SLC24A2: variants seen among roughly 807,000 people sequenced by gnomAD.
SLC24A2 encodes the protein sodium/potassium/calcium exchanger 2.
A neutral mutation model predicts 62.0 loss-of-function variants in SLC24A2; 36 were observed. The ratio of observed to expected loss-of-function variants is 0.58; its 90% CI spans 0.44 to 0.77. The LOEUF is 0.77. SLC24A2 is among the 30% of genes least tolerant of loss of function. The pLI, the probability that SLC24A2 is intolerant of heterozygous loss-of-function variation, is 0.00. For synonymous variants in SLC24A2, 358 were observed against 294.0 expected, an observed-to-expected ratio of 1.22 and a Z score of -2.23; for missense variants, 846 against 817.9, an observed-to-expected ratio of 1.03 and a Z score of -0.42.
At chr9:19,516,867 T>C (rs969757670) in intron 10 of SLC24A2, among the ~76,000 whole-genome samples, 1 of 152,062 alleles carries the variant, frequency 6.6e-6, no homozygotes, top group Non-Finnish European at 1.5e-5. Context: ...AGCAATGACT[T>C]AATAGTCTAA....
At chr9:19,995,365 G>T in the SLC24A2 span, among the ~76,000 whole-genome samples, 2 of 152,086 alleles carry the variant, frequency 1.3e-5, no homozygotes, top group East Asian at 1.9e-4. Flanking sequence ...AGAGAGCGTG[G>T]AGGTTATGTG....
chr9:20,206,967 C>T, the SLC24A2 span, among the ~76,000 whole-genome samples: 1 of 151,896 alleles, frequency 6.6e-6, no homozygotes, highest in Non-Finnish European at 1.5e-5. Context: ...TGACTTATGC[C>T]ATTATGCCAT....
chr9:20,194,634 T>G, the SLC24A2 span, among the ~76,000 whole-genome samples: 1 of 152,136 alleles, frequency 6.6e-6, no homozygotes, highest in African/African-American at 2.4e-5. Context: ...TATAGCCCAT[T>G]TGGAATATAT....
chr9:19,976,734 ATTTTGG>A, the SLC24A2 span, among the ~76,000 whole-genome samples: 2 of 152,286 alleles, frequency 1.3e-5, no homozygotes, highest in African/African-American at 4.8e-5. Flanking sequence ...GTGTCCACAG[ATTTTGG>A]TATCTGCAGG....
At chr9:19,836,526 A>G in the SLC24A2 span, among the ~76,000 whole-genome samples, 1 of 152,254 alleles carries the variant, frequency 6.6e-6, no homozygotes, top group Admixed American at 6.5e-5. Context: ...AGACTAAGCC[A>G]GGAAGAAGTT....
At chr9:19,904,284 G>C in the SLC24A2 span, among the ~76,000 whole-genome samples, 4 of 152,180 alleles carry the variant, frequency 2.6e-5, no homozygotes, top group African/African-American at 9.6e-5. Flanking sequence ...AGAAGAGATT[G>C]TATGGATCCA....
chr9:19,516,098 G>C lies in SLC24A2; in HGVS notation c.*55C>G. 4 of 1,610,370 alleles carry C rather than the reference G, an allele frequency of 2.5e-6. No homozygotes were observed. Among genetic ancestry groups the C allele is most frequent in the Non-Finnish European group, 3.4e-6 (4 of 1,177,168 alleles). ...TTCTCAAGAGGTCAAGGAGCCCAGA[G>C]CCCAGAGTGTGGAGGGACCATTCAT... On this transcript the variant is annotated 3_prime_UTR_variant, in exon 11 of 11. Transcript: ENST00000341998.
chr9:19,520,848 C>T, intron 10 of SLC24A2, 46 bp downstream of exon 10: 1 of 1,586,654 alleles, frequency 6.3e-7, no homozygotes, highest in Middle Eastern at 1.7e-4. Context: ...AAGACAAAGA[C>T]ACTGGTGGAG....
the SLC24A2 span, among the ~76,000 whole-genome samples, chr9:19,962,867 C>T: frequency 4.6e-5 from 7 of 152,230 alleles, no homozygotes; most frequent in South Asian, 2.1e-4. Flanking sequence ...TCCTGCCTAA[C>T]TGCCCTGGCC....
At chr9:19,555,132 G>T (rs1184448836) in intron 7 of SLC24A2, among the ~76,000 whole-genome samples, 1 of 151,956 alleles carries the variant, frequency 6.6e-6, no homozygotes, top group African/African-American at 2.4e-5. Context: ...ATCACAATAT[G>T]TTCTTTCTCA....
At chr9:20,046,726 C>T in the SLC24A2 span, among the ~76,000 whole-genome samples, 1 of 152,196 alleles carries the variant, frequency 6.6e-6, no homozygotes, top group Non-Finnish European at 1.5e-5. Flanking sequence ...TGTGGTGGGA[C>T]ACTGCCCACT....
the SLC24A2 span, among the ~76,000 whole-genome samples, chr9:19,977,872 A>C: frequency 6.6e-6 from 1 of 152,172 alleles, no homozygotes; most frequent in Non-Finnish European, 1.5e-5. Context: ...AGCCCCACAG[A>C]ATAGTCGTAT....
Sources: gnomAD v4.1 joint callset for allele counts (sites outside exome capture counted in the v4.1 genomes callset) on GRCh38, gnomAD v4.1.1 for gene constraint, MANE v1.5 for transcripts, NCBI Gene and HGNC (gene_info 2026-07-23, HGNC 2026-07-21) for gene names.